Variants in IVNS1ABP observed in about 807,000 individuals in gnomAD.
IVNS1ABP encodes the protein influenza virus NS1A-binding protein.
IVNS1ABP carries 25 observed loss-of-function variants against 78.9 expected under a neutral mutation model. That is an observed-to-expected ratio of 0.32 (90% CI 0.23 to 0.44). IVNS1ABP has a LOEUF of 0.44. Ranked by LOEUF, IVNS1ABP falls within the 20% of genes least tolerant of loss-of-function variation. The pLI is 1.00. For missense variants in IVNS1ABP, 494 were observed against 768.9 expected, an observed-to-expected ratio of 0.64 and a Z score of 4.23; for synonymous variants, 241 against 259.7, an observed-to-expected ratio of 0.93 and a Z score of 0.69.
intron 7 of IVNS1ABP, 29 bp downstream of exon 7, chr1:185,306,985 G>C (rs756416680): frequency 1.9e-6 from 3 of 1,604,878 alleles, no homozygotes; most frequent in Non-Finnish European, 2.6e-6. Context: ...TTTTAAAAAT[G>C]GTTGAATCCC....
At chr1:185,316,573 G>A (rs1023471538) in intron 1 of IVNS1ABP, among the ~76,000 whole-genome samples, 2 of 152,302 alleles carry the variant, frequency 1.3e-5, no homozygotes, top group East Asian at 1.9e-4. Flanking sequence ...CCCTCCTTCC[G>A]GCGGGTCATC....
rs554602470 is a variant in IVNS1ABP, at chr1:185,310,698, A to G, written c.-19+397T>C. On this transcript the variant is annotated intron_variant, in intron 2 of 14. Transcript: ENST00000367498. ...GAGACCAGTCTGGGAAACATAGTGA[A>G]ATCCTGTCTCTACAAAAAATGTAAA... Among the ~76,000 whole-genome samples the G allele has an allele frequency of 2.1e-3, 320 of 152,100 alleles. 2 individuals carry two copies. Among genetic ancestry groups the G allele is most frequent in the African/African-American group, 7.5e-3 (310 of 41,484 alleles).
At position 185,305,145 on chromosome 1, in the gene IVNS1ABP, G is replaced by A. The variant is rs1018670229; in HGVS notation, c.765+391C>T. On this transcript the variant is annotated intron_variant, in intron 8 of 14. Coordinates refer to ENST00000367498, the MANE Select transcript of IVNS1ABP (RefSeq NM_006469.5). The surrounding 1 kb of genome is among the most constrained non-coding windows in gnomAD (Gnocchi z 4.0). Reference sequence around the variant, plus strand: ...CCAGTAAGACAGCTCAGTAGTTAAGGTAACATCCAAAAATTTCTTTCATAG... The same window carrying A: ...CCAGTAAGACAGCTCAGTAGTTAAGATAACATCCAAAAATTTCTTTCATAG... 6.6e-6 allele frequency among the ~76,000 whole-genome samples: 1 copy of A among 151,916 alleles called. No individual in the cohort carries two copies. The highest frequency in any genetic ancestry group is 2.4e-5 in the African/African-American group (1 of 41,374).
At chr1:185,308,250 A>G (rs2102820007) in intron 5 of IVNS1ABP, among the ~76,000 whole-genome samples, 1 of 152,310 alleles carries the variant, frequency 6.6e-6, no homozygotes, top group Non-Finnish European at 1.5e-5. Flanking sequence ...GTTTGTCACA[A>G]CTGCTCAATT....
At chr1:185,308,257 A>C (rs1047318252) in intron 5 of IVNS1ABP, among the ~76,000 whole-genome samples, 1 of 152,192 alleles carries the variant, frequency 6.6e-6, no homozygotes, top group African/African-American at 2.4e-5. Flanking sequence ...ACAACTGCTC[A>C]ATTCCGTCAC....
rs1483941511 is a variant in IVNS1ABP at position 185,305,132 on chromosome 1, C to T, written c.765+404G>A. On this transcript the variant is annotated intron_variant, in intron 8 of 14. Coordinates refer to ENST00000367498, the MANE Select transcript of IVNS1ABP (RefSeq NM_006469.5). This position sits in a 1 kb window ranked among gnomAD's most constrained non-coding sequence, Gnocchi z 4.0. ...CCATTTCTAATTTCCAGTAAGACAG[C>T]TCAGTAGTTAAGGTAACATCCAAAA... Among the ~76,000 whole-genome samples the T allele has an allele frequency of 6.6e-6, 1 of 152,056 alleles. No individual in the cohort carries two copies. The highest frequency in any genetic ancestry group is 1.5e-5 in the Non-Finnish European group (1 of 68,002).
At chr1:185,300,907 G>T in intron 10 of IVNS1ABP, 65 bp downstream of exon 10, 1 of 1,262,270 alleles carries the variant, frequency 7.9e-7, no homozygotes, top group Non-Finnish European at 1.1e-6. Flanking sequence ...CCCTCTCTTT[G>T]AAAGTTTGCA....
chr1:185,309,204 T>G (rs1482429967), intron 3 of IVNS1ABP, 32 bp from the exon 4 acceptor site: 4 of 1,481,880 alleles, frequency 2.7e-6, no homozygotes, highest in Non-Finnish European at 3.6e-6. Context: ...ATTATAAGTA[T>G]TGTGGATTAT....
At chr1:185,316,871 A>G in intron 1 of IVNS1ABP, 82 bp downstream of exon 1, 2 of 395,946 alleles carry the variant, frequency 5.1e-6, no homozygotes, top group East Asian at 7.2e-5. Flanking sequence ...CCCTCTTCCC[A>G]TCCGCCGGCG....
intron 4 of IVNS1ABP, 22 bp from the exon 5 acceptor site, chr1:185,308,897 T>G (rs1665812112): frequency 6.3e-7 from 1 of 1,592,468 alleles, no homozygotes; most frequent in African/African-American, 1.4e-5. Flanking sequence ...AAAAGTTACT[T>G]ATGATACCAA....
chr1:185,301,616 T>A, intron 8 of IVNS1ABP, 53 bp from the exon 9 acceptor site: 1 of 1,604,224 alleles, frequency 6.2e-7, no homozygotes, highest in Non-Finnish European at 8.5e-7. Flanking sequence ...ACATCTGATG[T>A]ACCTTTGTTC....
chr1:185,300,333 T>C lies in IVNS1ABP; in HGVS notation c.1253A>G (p.Tyr418Cys). Residue 418 changes from tyrosine (Y) to cysteine (C), a missense_variant, in exon 12 of 15, where the codon TAT (tyrosine) becomes TGT (cysteine). Transcript: ENST00000367498. Reference sequence around the variant, plus strand: ...GTGGCCATTTGATCCACCTACCACATAGAGCTGGCCCTATGCCAAAAGTGA... The same window carrying C: ...GTGGCCATTTGATCCACCTACCACACAGAGCTGGCCCTATGCCAAAAGTGA... Reference protein sequence around the residue: ...FQMAVLMGQLYVVGGSNGHSD... With the variant: ...FQMAVLMGQLCVVGGSNGHSD... The C allele has an allele frequency of 6.2e-7, 1 of 1,613,470 alleles. No homozygotes were observed.
chr1:185,307,040 C>T lies in IVNS1ABP; in HGVS notation c.631G>A (p.Asp211Asn). The T allele has an allele frequency of 6.8e-6, 11 of 1,613,522 alleles. No individual in the cohort carries two copies. Among genetic ancestry groups the T allele is most frequent in the Non-Finnish European group, 9.3e-6 (11 of 1,179,518 alleles). ...WVQRSIWENG[D>N]SLEELMEEVQ... ...TCTTCCATCAGCTCTTCCAGACTGTCTCCATTCTCCCAGATGCTACGCTGC... is the reference window on the plus strand; with the variant it reads ...TCTTCCATCAGCTCTTCCAGACTGTTTCCATTCTCCCAGATGCTACGCTGC... The change falls in exon 7 of 15, where the codon GAC becomes AAC. Residue 211 changes from aspartate (D) to asparagine (N), a missense_variant. Transcript: ENST00000367498.
In IVNS1ABP at chr1:185,301,467, CATGCTT is replaced by C. The variant is rs767803228; in HGVS notation, c.856_861del (p.Lys286_His287del). 1 of 1,613,240 alleles carries C rather than the reference CATGCTT, an allele frequency of 6.2e-7. No individual in the cohort carries two copies. Among genetic ancestry groups the C allele is most frequent in the Non-Finnish European group, 8.5e-7 (1 of 1,179,404 alleles). On this transcript the variant is annotated inframe_deletion, in exon 9 of 15. Transcript: ENST00000367498. The stretch of plus-strand genomic sequence containing the variant: ...TTTTCTGAAGCAACGATTTTCCACT[CATGCTT>C]AGGGCTTTGTACTGTAGCATTTGGA...
In IVNS1ABP at chr1:185,315,338, C is replaced by T. The variant is rs1012447834; in HGVS notation, c.-247+1615G>A. ...TTCCAAAAGCAAGTAGCCAAAAAGA[C>T]ACTAATTTAAAACTAAGACTAAAAC... On this transcript the variant is annotated intron_variant, in intron 1 of 14. Coordinates refer to ENST00000367498, the MANE Select transcript of IVNS1ABP (RefSeq NM_006469.5). 2.0e-5 allele frequency among the ~76,000 whole-genome samples: 3 copies of T among 152,156 alleles called. No homozygotes were observed. The East Asian group carries it at 5.8e-4, about 29-fold the overall frequency.
intron 14 of IVNS1ABP, 45 bp downstream of exon 14, chr1:185,299,665 T>C: frequency 2.5e-6 from 4 of 1,581,748 alleles, no homozygotes; most frequent in Non-Finnish European, 3.5e-6. Context: ...TAGAACAAAG[T>C]CTTGCCACTA....
At chr1:185,309,362 T>C (rs890430389) in intron 3 of IVNS1ABP, 21 bp downstream of exon 3, 2 of 1,492,684 alleles carry the variant, frequency 1.3e-6, no homozygotes, top group Non-Finnish European at 1.8e-6. Context: ...TTCTATAAAT[T>C]TTGAATTAAG....
In IVNS1ABP at chr1:185,301,041, T is replaced by C. The variant is rs756590165; in HGVS notation, c.1051A>G (p.Met351Val). 31 of 1,613,488 alleles carry C rather than the reference T, an allele frequency of 1.9e-5. No homozygotes were observed. The highest frequency in any genetic ancestry group is 3.3e-5 in the South Asian group (3 of 91,086). ...GATCGTGCGTACTGCATAGGAGACA[T>C]GGGCTTTTCGATTAGCTCATCTTGT... ...MQQDELIEKP[M>V]SPMQYARSGL... is the part of the protein sequence containing the mutation. The change falls in exon 10 of 15, where the codon ATG (methionine) becomes GTG (valine). Residue 351 changes from methionine (M) to valine (V), a missense_variant. Physicochemically the swap from Met to Val is conservative, Grantham distance 21. Transcript: ENST00000367498.
In IVNS1ABP at chr1:185,296,940, TCAG is replaced by T. The variant is rs1469547642; in HGVS notation, c.*1092_*1094del. 1 of 152,120 alleles carries T rather than the reference TCAG, an allele frequency of 6.6e-6. No individual in the cohort carries two copies. Among genetic ancestry groups the T allele is most frequent in the Admixed American group, 6.6e-5 (1 of 15,264 alleles). The allele number at this position is 152,120 out of a possible 1,614,324, so 9.4% of individuals were successfully genotyped here. Reference sequence around the variant, plus strand: ...GCAAAGTACCTTTAATGTGTTTAAATCAGCAGCAAGCATTAGGACATGCTATTT... The same window carrying T: ...GCAAAGTACCTTTAATGTGTTTAAATCAGCAAGCATTAGGACATGCTATTT... On this transcript the variant is annotated 3_prime_UTR_variant, in exon 15 of 15. Transcript: ENST00000367498.
Sources: allele counts gnomAD v4.1 joint callset (sites outside exome capture counted in the v4.1 genomes callset), GRCh38; gene constraint gnomAD v4.1.1; non-coding constraint Gnocchi (gnomAD v3.1); transcripts MANE v1.5; gene names NCBI Gene and HGNC (gene_info 2026-07-23, HGNC 2026-07-21).